Variants in TGFBR3 observed in about 807,000 individuals in gnomAD.
The protein encoded by TGFBR3 is transforming growth factor beta receptor 3.
Under a neutral mutation model 87.9 loss-of-function variants are expected in TGFBR3, and 46 were observed. The observed-to-expected ratio is 0.52, with a 90% confidence interval of 0.41 to 0.67. The LOEUF (loss-of-function observed/expected upper bound fraction) is 0.67, where lower values mean the gene tolerates loss of function less well. Ranked by LOEUF, TGFBR3 falls within the 30% of genes least tolerant of loss-of-function variation. The probability of loss-of-function intolerance (pLI) is 0.00; values close to 1 mark genes in which losing one functional copy is unlikely to be tolerated. For missense variants in TGFBR3, 866 were observed against 1,041.9 expected (o/e 0.83, Z 2.32); for synonymous variants, 381 against 391.6 (o/e 0.97, Z 0.32).
chr1:91,876,898 G>A (rs1324143681), intron 1 of TGFBR3, among the ~76,000 whole-genome samples: 2 of 150,312 alleles, frequency 1.3e-5, no homozygotes, highest in Non-Finnish European at 3.0e-5. Flanking sequence ...TTTACCCTCT[G>A]CAAAAAAAAA....
At chr1:91,764,909 A>ACCTCTG (rs1474738751) in intron 3 of TGFBR3, among the ~76,000 whole-genome samples, 1 of 151,994 alleles carries the variant, frequency 6.6e-6, no homozygotes, top group African/African-American at 2.4e-5. Context: ...TGGTGTTTCT[A>ACCTCTG]CCTCTGCCTC....
rs1472758308 is a variant in TGFBR3, at chr1:91,722,116, T to C, written c.914A>G (p.Glu305Gly). ...IAPNSIGFGK[E>G]SERSMTMTKS... ...GGTCATTGTCATAGATCTTTCACTCTCTTTTCCAAAGCCAATACTGTTAGG... is the reference window on the plus strand; with the variant it reads ...GGTCATTGTCATAGATCTTTCACTCCCTTTTCCAAAGCCAATACTGTTAGG... The change falls in exon 8 of 17, where the codon GAG becomes GGG. Residue 305 changes from glutamate (E) to glycine (G), a missense_variant. Glu to Gly is a moderately conservative substitution (Grantham distance 98). Transcript: ENST00000212355. 2.5e-6 allele frequency: 4 copies of C among 1,613,874 alleles called. No individual in the cohort carries two copies. Among genetic ancestry groups the C allele is most frequent in the Non-Finnish European group, 2.5e-6 (3 of 1,179,904 alleles).
At chr1:91,875,162 G>A (rs1324131115) in intron 1 of TGFBR3, among the ~76,000 whole-genome samples, 2 of 152,126 alleles carry the variant, frequency 1.3e-5, no homozygotes, top group Non-Finnish European at 2.9e-5. Context: ...CTGCTCTGGG[G>A]AATCTGCCGA....
At chr1:91,846,160 C>T (rs764933592) in intron 2 of TGFBR3, among the ~76,000 whole-genome samples, 1 of 152,184 alleles carries the variant, frequency 6.6e-6, no homozygotes, top group Non-Finnish European at 1.5e-5. Flanking sequence ...CCCTCTTGGC[C>T]CAATTCCAAA....
chr1:91,755,184 C>A (rs553692379), intron 4 of TGFBR3: 24 of 152,276 alleles, frequency 1.6e-4, no homozygotes, highest in African/African-American at 5.3e-4. Flanking sequence ...CAAACTTTAA[C>A]TCTTAACTAT....
intron 3 of TGFBR3, among the ~76,000 whole-genome samples, chr1:91,778,428 T>C (rs1674646797): frequency 6.6e-6 from 1 of 152,030 alleles, no homozygotes; most frequent in African/African-American, 2.4e-5. Context: ...ACAAAAAAGA[T>C]CACAACAGAG....
chr1:91,741,921 G>A (rs145033573), intron 4 of TGFBR3, among the ~76,000 whole-genome samples: 54 of 152,190 alleles, frequency 3.5e-4, no homozygotes, highest in African/African-American at 1.2e-3. Context: ...ATGATAAAGC[G>A]GAATGGCACC....
At chr1:91,809,055 CA>C (rs1481468448) in intron 2 of TGFBR3, among the ~76,000 whole-genome samples, 5 of 152,134 alleles carry the variant, frequency 3.3e-5, no homozygotes, top group Non-Finnish European at 7.4e-5. Flanking sequence ...GACTTAGATT[CA>C]AAATATTAAA....
intron 16 of TGFBR3, among the ~76,000 whole-genome samples, chr1:91,690,997 A>C (rs1671244285): frequency 6.6e-6 from 1 of 152,174 alleles, no homozygotes; most frequent in Admixed American, 6.5e-5. Context: ...TTTTTTTAAA[A>C]GAAAAGAAAT....
At position 91,719,420 on chromosome 1, in the gene TGFBR3, G is replaced by C. The variant is rs1283296976; in HGVS notation, c.1458C>G (p.Thr486=). 2 of 1,614,148 alleles carry C rather than the reference G, an allele frequency of 1.2e-6. No homozygotes were observed. The highest frequency in any genetic ancestry group is 1.7e-5 in the Admixed American group (1 of 60,014). ...GTGTGCCATTCATCTTGGCCTTGCA[G>C]GTAGGATCCAACAGGGTGACGTCCA... The part of the protein sequence containing the change: ...SGMDVTLLDP[T]CKAKMNGTHF... The change falls in exon 10 of 17, where the codon ACC becomes ACG. Residue 486 remains threonine (T), a synonymous_variant. Transcript: ENST00000212355.
intron 3 of TGFBR3, chr1:91,783,333 CCTGT>C (rs1674841926): frequency 1.3e-5 from 2 of 152,154 alleles, no homozygotes; most frequent in South Asian, 2.1e-4. Context: ...GGACTAGAAC[CCTGT>C]CTAATATCTG....
chr1:91,846,159 C>G (rs1677489099), intron 2 of TGFBR3, among the ~76,000 whole-genome samples: 1 of 152,210 alleles, frequency 6.6e-6, no homozygotes, highest in Admixed American at 6.5e-5. Context: ...CCCCTCTTGG[C>G]CCAATTCCAA....
At chr1:91,886,303 C>T (rs1480687982), upstream of TGFBR3, 1 of 386,716 alleles carries the variant, frequency 2.6e-6, no homozygotes, top group African/African-American at 2.1e-5. Flanking sequence ...CTCCTCCTCC[C>T]GCCTCCCGCC....
chr1:91,700,998 C>G (rs905026181), intron 14 of TGFBR3, among the ~76,000 whole-genome samples: 1 of 152,126 alleles, frequency 6.6e-6, no homozygotes, highest in Non-Finnish European at 1.5e-5. Context: ...TCCAATCAAC[C>G]ACCCATGGTT....
chr1:91,833,823 G>A (rs1308638218), intron 2 of TGFBR3, among the ~76,000 whole-genome samples: 1 of 150,492 alleles, frequency 6.6e-6, no homozygotes, highest in Non-Finnish European at 1.5e-5. Flanking sequence ...GATATCCCAA[G>A]GAATATCCCA....
At chr1:91,815,936 G>A (rs1291694085) in intron 2 of TGFBR3, among the ~76,000 whole-genome samples, 1 of 152,204 alleles carries the variant, frequency 6.6e-6, no homozygotes, top group African/African-American at 2.4e-5. Context: ...GAAGGGCTCA[G>A]CTTGTATATT....
chr1:91,855,527 A>C (rs1043381681), intron 2 of TGFBR3, among the ~76,000 whole-genome samples: 4 of 152,158 alleles, frequency 2.6e-5, no homozygotes, highest in African/African-American at 4.8e-5. Context: ...GATGTGTAGA[A>C]CAGTTGGGAG....
upstream of TGFBR3, among the ~76,000 whole-genome samples, chr1:91,886,445 G>C (rs1177072396): frequency 6.6e-6 from 1 of 152,228 alleles, no homozygotes; most frequent in East Asian, 1.9e-4. Context: ...CGGGCTCAGC[G>C]TGCCCGGGTT....
chr1:91,903,380 C>T (rs1488601035), intron 1 of TGFBR3, among the ~76,000 whole-genome samples: 1 of 142,414 alleles, frequency 7.0e-6, no homozygotes, highest in African/African-American at 2.5e-5. Flanking sequence ...CCAGTCTGGA[C>T]CTCTGTCTCA....
Sources: allele counts gnomAD v4.1 joint callset (sites outside exome capture counted in the v4.1 genomes callset), GRCh38; gene constraint gnomAD v4.1.1; transcripts MANE v1.5; gene names NCBI Gene and HGNC (gene_info 2026-07-23, HGNC 2026-07-21).